The following TNKS1BP1 variants were observed in gnomAD, a reference collection of about 807,000 sequenced individuals.
The protein encoded by TNKS1BP1 is CCR4-NOT transcription complex subunit 12, also known as 182 kDa tankyrase-1-binding protein.
TNKS1BP1 carries 48 observed loss-of-function variants against 141.1 expected under a neutral mutation model. The observed-to-expected ratio is 0.34, with a 90% CI of 0.27 to 0.43. The LOEUF is 0.43. Among genes scored for constraint, TNKS1BP1 ranks in the 20% least tolerant of loss-of-function variants. The pLI, the probability that TNKS1BP1 is intolerant of heterozygous loss-of-function variation, is 1.00. For missense variants in TNKS1BP1, 2,149 were observed against 2,226.0 expected (o/e 0.97, Z 0.70); for synonymous variants, 875 against 898.2 (o/e 0.97, Z 0.46).
Position 57,309,461 on chromosome 11 carries a change from G to T in TNKS1BP1, c.3250C>A (p.Arg1084=). The T allele has an allele frequency of 6.2e-7, 1 of 1,613,952 alleles. No individual in the cohort carries two copies. Among genetic ancestry groups the T allele is most frequent in the Non-Finnish European group, 8.5e-7 (1 of 1,180,004 alleles). ...AGGCTAAACTCACCGACCCAGCCTC[G>T]CTTTCCCATCTCCCCATCTTCCAGG... The part of the protein sequence containing the change: ...ADLEDGEMGK[R]GWVGEFSLSV... Residue 1084 remains arginine (R), a synonymous_variant, in exon 6 of 12, where the codon CGA becomes AGA. Coordinates refer to ENST00000358252, the MANE Select transcript of TNKS1BP1 (RefSeq NM_033396.3). The surrounding 1 kb of genome is among the most constrained non-coding windows in gnomAD (Gnocchi z 4.3).
intron 1 of TNKS1BP1, among the ~76,000 whole-genome samples, chr11:57,324,067 T>C (rs1434424575): frequency 2.6e-5 from 4 of 151,678 alleles, no homozygotes; most frequent in African/African-American, 9.7e-5. Context: ...GACCAGGGGG[T>C]AGAGGGTAGC....
At chr11:57,313,950 C>T in intron 4 of TNKS1BP1, 61 bp from the exon 5 acceptor site, 1 of 1,413,206 alleles carries the variant, frequency 7.1e-7, no homozygotes, top group Non-Finnish European at 9.2e-7. Flanking sequence ...GGGAGGGTCC[C>T]CTCCGACCCC....
Position 57,324,773 on chromosome 11 carries a change from C to T in TNKS1BP1, c.-66+67G>A, listed in dbSNP as rs2134380798. 9.1e-6 allele frequency: 9 copies of T among 985,002 alleles called. No homozygotes were observed. The South Asian group carries it at 4.1e-4, about 45-fold the overall frequency. The allele number at this position is 985,002 out of a possible 1,614,324, so 61.0% of individuals were successfully genotyped here. On this transcript the variant is annotated intron_variant, in intron 1 of 11. Transcript: ENST00000358252. ...TCGGCTGGAAAGCACCCACTCCTTC[C>T]ATGCCCCTCCCCCGCCCCATCCCGG...
chr11:57,316,546 C>T (rs187972609), intron 4 of TNKS1BP1, among the ~76,000 whole-genome samples: 104 of 152,316 alleles, frequency 6.8e-4, no homozygotes, highest in Admixed American at 1.9e-3. Flanking sequence ...GTCCCCGTCT[C>T]GGCAACCATA....
chr11:57,313,733 C>T lies in TNKS1BP1; in HGVS notation c.955G>A (p.Glu319Lys). The stretch of plus-strand genomic sequence containing the variant: ...TGGGAAGCTTCAGGAGTCTGGGCTT[C>T]CAGAAGCTGTGAGTGGCAGGGAGAA... Reference protein sequence around the residue: ...KSSPCHSQLLEAQTPEASQAS... With the variant: ...KSSPCHSQLLKAQTPEASQAS... The change falls in exon 5 of 12, where the codon GAA (glutamate) becomes AAA (lysine). Residue 319 changes from glutamate (E) to lysine (K), a missense_variant. By Grantham distance (56) the Glu-to-Lys change is moderately conservative. Coordinates refer to ENST00000358252, the MANE Select transcript of TNKS1BP1 (RefSeq NM_033396.3). 6.3e-7 allele frequency: 1 copy of T among 1,597,734 alleles called. No homozygotes were observed. Among genetic ancestry groups the T allele is most frequent in the Non-Finnish European group, 8.5e-7 (1 of 1,172,434 alleles).
intron 5 of TNKS1BP1, among the ~76,000 whole-genome samples, chr11:57,312,320 C>T (rs1208386986): frequency 6.6e-6 from 1 of 152,132 alleles, no homozygotes; most frequent in African/African-American, 2.4e-5. Flanking sequence ...AATCAGCTAG[C>T]GATTGCTGGA....
rs142719418 is a variant in TNKS1BP1, at chr11:57,303,638, G to A, written c.4317-813C>T. On this transcript the variant is annotated intron_variant, in intron 6 of 11. Transcript: ENST00000358252. ...TTCTGCCTTTATGCCCCCAGCACCT[G>A]ACCCAGAGCCTGGCTACGCGCCGGA... 2.2e-3 allele frequency among the ~76,000 whole-genome samples: 338 copies of A among 152,318 alleles called. 6 individuals carry two copies. The highest frequency in any genetic ancestry group is 7.8e-3 in the African/African-American group (323 of 41,550).
rs1324649141 is a variant in TNKS1BP1 at position 57,322,072 on chromosome 11, G to C, written c.-65-122C>G. On this transcript the variant is annotated intron_variant, in intron 1 of 11. Coordinates refer to ENST00000358252, the MANE Select transcript of TNKS1BP1 (RefSeq NM_033396.3). ...GGGACAGGAAGAGAGAACTTGGAGT[G>C]GGGGGGGGGGGGTAGGAGGAGGTCA... The C allele has an allele frequency of 1.5e-3, 4 of 2,656 alleles. No homozygotes were observed. In the South Asian group the frequency reaches 0.094, roughly 62 times the overall value. The allele number at this position is 2,656 out of a possible 1,614,324, so 0.2% of individuals were successfully genotyped here.
chr11:57,309,743 C>T lies in TNKS1BP1; in HGVS notation c.2968G>A (p.Glu990Lys). 1 of 1,614,202 alleles carries T rather than the reference C, an allele frequency of 6.2e-7. No homozygotes were observed. Among genetic ancestry groups the T allele is most frequent in the Non-Finnish European group, 8.5e-7 (1 of 1,180,042 alleles). ...AATTCCTCATCCTGTTGCTGGGCTT[C>T]CTCGGGGCTGAACCCAGAGCTCAGG... Reference protein sequence around the residue: ...RPLSSGFSPEEAQQQDEEFEK... With the variant: ...RPLSSGFSPEKAQQQDEEFEK... Residue 990 changes from glutamate (E) to lysine (K), a missense_variant, in exon 6 of 12, where the codon GAA (glutamate) becomes AAA (lysine). Transcript: ENST00000358252. The surrounding 1 kb of genome is among the most constrained non-coding windows in gnomAD (Gnocchi z 4.3).
At chr11:57,306,285 C>CAA (rs1554961714) in intron 6 of TNKS1BP1, among the ~76,000 whole-genome samples, 1 of 122,372 alleles carries the variant, frequency 8.2e-6, no homozygotes, top group Non-Finnish European at 1.9e-5. Flanking sequence ...GACTCCGTTT[C>CAA]AAAAAAAAAA....
At chr11:57,322,737 G>C (rs1042143742) in intron 1 of TNKS1BP1, among the ~76,000 whole-genome samples, 9 of 152,170 alleles carry the variant, frequency 5.9e-5, no homozygotes, top group Non-Finnish European at 1.0e-4. Context: ...GAACGGGACA[G>C]GGCTTGAGAA....
Position 57,321,757 on chromosome 11 carries a change from C to A in TNKS1BP1, c.94+35G>T, listed in dbSNP as rs1385880503. On this transcript the variant is annotated intron_variant, in intron 2 of 11. Coordinates refer to ENST00000358252, the MANE Select transcript of TNKS1BP1 (RefSeq NM_033396.3). The stretch of plus-strand genomic sequence containing the variant: ...AGCCTCTGTCCTTCCCACCCCCCTC[C>A]CAGCCACCTGGCTCCACCCTGCACC... The A allele has an allele frequency of 2.6e-6, 4 of 1,558,796 alleles. No individual in the cohort carries two copies. In the South Asian group the frequency reaches 3.5e-5, roughly 13 times the overall value.
Position 57,313,494 on chromosome 11 carries a change from C to G in TNKS1BP1, c.1194G>C (p.Leu398=). ...PRPLIEVGEL[L]DLTRTFPSGG... ...CAGATGGAAACGTCCGAGTGAGATC[C>G]AGCAACTCACCCACCTCGATCAGGG... Residue 398 remains leucine (L), a synonymous_variant, in exon 5 of 12, where the codon CTG becomes CTC. Coordinates refer to ENST00000358252, the MANE Select transcript of TNKS1BP1 (RefSeq NM_033396.3). The G allele has an allele frequency of 6.3e-7, 1 of 1,577,246 alleles. No individual in the cohort carries two copies. The highest frequency in any genetic ancestry group is 8.6e-7 in the Non-Finnish European group (1 of 1,160,348).
chr11:57,310,167 C>T lies in TNKS1BP1; in HGVS notation c.2544G>A (p.Lys848=), dbSNP rs766579898. The change falls in exon 6 of 12, where the codon AAG becomes AAA. Residue 848 remains lysine, a synonymous_variant. Coordinates refer to ENST00000358252, the MANE Select transcript of TNKS1BP1 (RefSeq NM_033396.3). ...TGGAGTAAGTGCCCTGGGAATCCCT[C>T]TTTCTGAACTCCCAGTCCTGAACAT... ...EADVQDWEFR[K]RDSQGTYSSR... The T allele has an allele frequency of 6.2e-7, 1 of 1,614,236 alleles. No homozygotes were observed. Among genetic ancestry groups the T allele is most frequent in the South Asian group, 1.1e-5 (1 of 91,082 alleles).
chr11:57,312,912 C>A lies in TNKS1BP1; in HGVS notation c.1776G>T (p.Ser592=), dbSNP rs772415476. 19 of 1,610,512 alleles carry A rather than the reference C, an allele frequency of 1.2e-5. No homozygotes were observed. In the South Asian group the frequency reaches 2.0e-4, roughly 17 times the overall value. The change falls in exon 5 of 12, where the codon TCG becomes TCT. Residue 592 remains serine (S), a synonymous_variant. Transcript: ENST00000358252. Reference sequence around the variant, plus strand: ...ACTCCTGTCCAGCCAAGGGCTCCTGCGACTCGTATCTCTCCTCTGCCTGCT... The same window carrying A: ...ACTCCTGTCCAGCCAAGGGCTCCTGAGACTCGTATCTCTCCTCTGCCTGCT... ...PLQQAEERYE[S]QEPLAGQESP... is the part of the protein sequence containing the mutation.
intron 6 of TNKS1BP1, among the ~76,000 whole-genome samples, chr11:57,305,651 C>A (rs1309426255): frequency 6.6e-6 from 1 of 151,332 alleles, no homozygotes; most frequent in Non-Finnish European, 1.5e-5. Context: ...GAGAAGACTG[C>A]ACGGCTTGGG....
In TNKS1BP1 at chr11:57,308,572, T is replaced by A; in HGVS notation, c.4139A>T (p.His1380Leu). 1 of 1,614,172 alleles carries A rather than the reference T, an allele frequency of 6.2e-7. No homozygotes were observed. Reference protein sequence around the residue: ...VSQCPEPGLRHNGSLSPGLEA... With the variant: ...VSQCPEPGLRLNGSLSPGLEA... ...CAGGCCAGGAGACAAGCTGCCATTG[T>A]GCCTCAGGCCGGGCTCTGGGCACTG... Residue 1380 changes from histidine to leucine, a missense_variant, in exon 6 of 12, where the codon CAC (histidine) becomes CTC (leucine). Physicochemically the swap from His to Leu is moderately conservative, Grantham distance 99 (BLOSUM62 -3). Transcript: ENST00000358252.
chr11:57,302,635 A>G lies in TNKS1BP1; in HGVS notation c.4507T>C (p.Ser1503Pro). The change falls in exon 7 of 12, where the codon TCT (serine) becomes CCT (proline). Residue 1503 changes from serine to proline, a missense_variant. Coordinates refer to ENST00000358252, the MANE Select transcript of TNKS1BP1 (RefSeq NM_033396.3). This position sits in a 1 kb window ranked among gnomAD's most constrained non-coding sequence, Gnocchi z 5.5. Reference protein sequence around the residue: ...QEEVLEPGRDSPPSWRPQPDG... With the variant: ...QEEVLEPGRDPPPSWRPQPDG... ...GGCTGCGGCCTCCAGGAGGGTGGAG[A>G]GTCCCTGCCAGGCTCCAGCACCTCC... 1 of 1,610,992 alleles carries G rather than the reference A, an allele frequency of 6.2e-7. No individual in the cohort carries two copies. Among genetic ancestry groups the G allele is most frequent in the Middle Eastern group, 1.7e-4 (1 of 5,912 alleles).
chr11:57,301,706 G>A, intron 9 of TNKS1BP1, 101 bp downstream of exon 9: 3 of 1,475,684 alleles, frequency 2.0e-6, no homozygotes, highest in Admixed American at 3.8e-5. Context: ...TGGGAGAGGG[G>A]GACAGGGGAA....
Sources: allele counts gnomAD v4.1 joint callset (sites outside exome capture counted in the v4.1 genomes callset), GRCh38; gene constraint gnomAD v4.1.1; non-coding constraint Gnocchi (gnomAD v3.1); transcripts MANE v1.5; gene names NCBI Gene and HGNC (gene_info 2026-07-23, HGNC 2026-07-21).